The following HS6ST3 variants were observed in gnomAD, a reference collection of about 807,000 sequenced individuals.
HS6ST3 encodes the protein heparan-sulfate 6-O-sulfotransferase 3.
HS6ST3 carries 12 observed loss-of-function variants against 36.7 expected under a neutral mutation model. The observed-to-expected ratio is 0.33, with a 90% CI of 0.21 to 0.53. HS6ST3 has a LOEUF of 0.53. Ranked by LOEUF, HS6ST3 falls within the 20% of genes least tolerant of loss-of-function variation. The pLI, the probability that HS6ST3 is intolerant of heterozygous loss-of-function variation, is 0.95. For missense variants in HS6ST3, 584 were observed against 640.9 expected, an observed-to-expected ratio of 0.91 and a Z score of 0.96; for synonymous variants, 240 against 257.5, an observed-to-expected ratio of 0.93 and a Z score of 0.65.
intron 1 of HS6ST3, among the ~76,000 whole-genome samples, chr13:96,696,765 A>G (rs1875140023): frequency 6.6e-6 from 1 of 152,230 alleles, no homozygotes; most frequent in South Asian, 2.1e-4. Context: ...GAATTAGGAC[A>G]GCCAACATGG....
chr13:96,452,777 C>T (rs2139486459), intron 1 of HS6ST3, among the ~76,000 whole-genome samples: 1 of 152,158 alleles, frequency 6.6e-6, no homozygotes, highest in Non-Finnish European at 1.5e-5. Flanking sequence ...TATGGAATTC[C>T]TCTATGTTTT....
chr13:96,213,539 T>A (rs1229667262), intron 1 of HS6ST3, among the ~76,000 whole-genome samples: 1 of 152,078 alleles, frequency 6.6e-6, no homozygotes, highest in African/African-American at 2.4e-5. Flanking sequence ...TTTTTTTTTT[T>A]TTTTTTAGAT....
chr13:96,268,162 C>G (rs745592552), intron 1 of HS6ST3, among the ~76,000 whole-genome samples: 4 of 151,804 alleles, frequency 2.6e-5, no homozygotes, highest in Non-Finnish European at 4.4e-5. Context: ...GGTTGGGGCT[C>G]CAATCTATGA....
At chr13:96,466,897 G>A (rs1476021286) in intron 1 of HS6ST3, among the ~76,000 whole-genome samples, 1 of 152,212 alleles carries the variant, frequency 6.6e-6, no homozygotes, top group African/African-American at 2.4e-5. Flanking sequence ...TTTGGTCACA[G>A]TAGAAGATAG....
chr13:96,122,051 G>T (rs2139306722), intron 1 of HS6ST3, among the ~76,000 whole-genome samples: 2 of 151,518 alleles, frequency 1.3e-5, no homozygotes, highest in East Asian at 1.9e-4. Flanking sequence ...CTCTGAGCTG[G>T]CTAATGCAAG....
At chr13:96,168,923 C>G in intron 1 of HS6ST3, among the ~76,000 whole-genome samples, 1 of 152,026 alleles carries the variant, frequency 6.6e-6, no homozygotes, top group East Asian at 1.9e-4. Context: ...CACCCCATCT[C>G]ACTCTCCCAT....
At chr13:96,542,871 A>G (rs900517047) in intron 1 of HS6ST3, among the ~76,000 whole-genome samples, 51 of 152,152 alleles carry the variant, frequency 3.4e-4, no homozygotes, top group African/African-American at 1.2e-3. Flanking sequence ...CTTTGTAGCC[A>G]AATGTGGTAA....
chr13:96,491,468 T>C (rs911922471), intron 1 of HS6ST3, among the ~76,000 whole-genome samples: 2 of 84,192 alleles, frequency 2.4e-5, no homozygotes, highest in African/African-American at 7.2e-5. Flanking sequence ...GTAGTACTAA[T>C]GTGCAAAAAA....
intron 1 of HS6ST3, among the ~76,000 whole-genome samples, chr13:96,593,070 T>G (rs1214324058): frequency 6.6e-6 from 1 of 151,986 alleles, no homozygotes; most frequent in East Asian, 1.9e-4. Context: ...CAATAACTCT[T>G]AGATTTGCCC....
At chr13:96,412,287 G>A (rs978926574) in intron 1 of HS6ST3, among the ~76,000 whole-genome samples, 5 of 152,180 alleles carry the variant, frequency 3.3e-5, no homozygotes, top group African/African-American at 1.2e-4. Flanking sequence ...ACAGGCGAGA[G>A]CCACTGCACC....
chr13:96,521,673 T>C (rs1162230813), intron 1 of HS6ST3, among the ~76,000 whole-genome samples: 1 of 152,244 alleles, frequency 6.6e-6, no homozygotes, highest in Non-Finnish European at 1.5e-5. Flanking sequence ...TGGTAGTTTG[T>C]ATTCCTGTGG....
chr13:96,491,410 G>A lies in HS6ST3; in HGVS notation c.708-341080G>A, dbSNP rs76794647. Among the ~76,000 whole-genome samples, 10 of 148,998 alleles carry A rather than the reference G, an allele frequency of 6.7e-5. No homozygotes were observed. In the East Asian group the frequency reaches 2.0e-3, roughly 29 times the overall value. ...GTGAGGACATACTTTGTTTTCAAGG[G>A]GAAGAAAATGATTTTCTTAATATAA... is the stretch of plus-strand genomic sequence containing the variant. On this transcript the variant is annotated intron_variant, in intron 1 of 1. Transcript: ENST00000376705.
chr13:96,829,726 A>G (rs188780321), intron 1 of HS6ST3, among the ~76,000 whole-genome samples: 21 of 152,184 alleles, frequency 1.4e-4, no homozygotes, highest in Admixed American at 4.6e-4. Context: ...TATCCAGTCT[A>G]TCATTGATGA....
chr13:96,480,132 A>G (rs1339981961), intron 1 of HS6ST3, among the ~76,000 whole-genome samples: 2 of 152,116 alleles, frequency 1.3e-5, no homozygotes, highest in African/African-American at 4.8e-5. Flanking sequence ...TGTTTATTTA[A>G]GATGGAGTTT....
chr13:96,723,967 T>A (rs2138471044), intron 1 of HS6ST3, among the ~76,000 whole-genome samples: 1 of 152,296 alleles, frequency 6.6e-6, no homozygotes, highest in East Asian at 1.9e-4. Context: ...TCATCCTATC[T>A]TTTCTTTCTT....
intron 1 of HS6ST3, among the ~76,000 whole-genome samples, chr13:96,394,585 G>A (rs1323976352): frequency 3.3e-5 from 5 of 152,142 alleles, no homozygotes; most frequent in Non-Finnish European, 5.9e-5. Context: ...GTTATGGACC[G>A]TATCTGGTAG....
At chr13:96,796,285 A>G (rs745489050) in intron 1 of HS6ST3, among the ~76,000 whole-genome samples, 2 of 152,096 alleles carry the variant, frequency 1.3e-5, no homozygotes, top group Non-Finnish European at 2.9e-5. Context: ...TTTCCACATG[A>G]CAGCGATAAA....
intron 1 of HS6ST3, among the ~76,000 whole-genome samples, chr13:96,436,447 G>C (rs985590467): frequency 6.6e-6 from 1 of 152,102 alleles, no homozygotes; most frequent in African/African-American, 2.4e-5. Flanking sequence ...TTTCCTTGAT[G>C]ATTAAAAACC....
At chr13:96,099,144 A>G (rs989632110) in intron 1 of HS6ST3, among the ~76,000 whole-genome samples, 3 of 152,060 alleles carry the variant, frequency 2.0e-5, no homozygotes, top group African/African-American at 2.4e-5. Context: ...GGGTTTTACT[A>G]TGTTGGCCAG....
Sources: gnomAD v4.1 joint callset for allele counts (sites outside exome capture counted in the v4.1 genomes callset) on GRCh38, gnomAD v4.1.1 for gene constraint, MANE v1.5 for transcripts, NCBI Gene and HGNC (gene_info 2026-07-23, HGNC 2026-07-21) for gene names.